Variants in PCDHA5 observed in about 807,000 individuals in gnomAD.
PCDHA5 encodes protocadherin alpha-5.
PCDHA5 carries 43 observed loss-of-function variants against 61.6 expected under a neutral mutation model. The ratio of observed to expected loss-of-function variants is 0.70; its 90% confidence interval spans 0.55 to 0.90. The LOEUF (loss-of-function observed/expected upper bound fraction) is 0.90. Ranked by LOEUF, PCDHA5 falls within the 40% of genes least tolerant of loss-of-function variation. The pLI, the probability that PCDHA5 is intolerant of heterozygous loss-of-function variation, is 0.00. For synonymous variants in PCDHA5, 627 were observed against 543.9 expected (o/e 1.15, Z -2.13); for missense variants, 1,298 against 1,222.7 (o/e 1.06, Z -0.92).
At chr5:140,927,793 C>A in intron 1 of PCDHA5, 1 of 1,614,180 alleles carries the variant, frequency 6.2e-7, no homozygotes, top group Non-Finnish European at 8.5e-7. Context: ...TTCACTAGGT[C>A]CGCCTGAAAC....
chr5:140,869,375 A>C, intron 1 of PCDHA5: 1 of 1,614,116 alleles, frequency 6.2e-7, no homozygotes, highest in Non-Finnish European at 8.5e-7. Flanking sequence ...TCTCGGATCG[A>C]CCGCGAGGAG....
intron 1 of PCDHA5, chr5:140,884,248 G>A: frequency 1.2e-6 from 2 of 1,613,458 alleles, no homozygotes; most frequent in Non-Finnish European, 1.7e-6. Flanking sequence ...CCGCGCTGAC[G>A]GCCACGGCAA....
At chr5:140,871,536 A>G in intron 1 of PCDHA5, 1 of 1,507,188 alleles carries the variant, frequency 6.6e-7, no homozygotes, top group East Asian at 2.4e-5. Context: ...AGTGTATGTG[A>G]AATTATTTAA....
At chr5:140,928,292 T>G in intron 1 of PCDHA5, 1 of 1,614,086 alleles carries the variant, frequency 6.2e-7, no homozygotes, top group Middle Eastern at 1.6e-4. Flanking sequence ...CTAGGCCGAG[T>G]GTTTGCCCAG....
chr5:140,868,199 A>G (rs1367327575), intron 1 of PCDHA5: 2 of 152,150 alleles, frequency 1.3e-5, no homozygotes, highest in East Asian at 1.9e-4. Flanking sequence ...TATGGCTTAC[A>G]TTAGAAATAA....
intron 1 of PCDHA5, among the ~76,000 whole-genome samples, chr5:140,901,437 C>G (rs1554189835): frequency 1.3e-5 from 2 of 152,132 alleles, no homozygotes; most frequent in Non-Finnish European, 2.9e-5. Flanking sequence ...ATATGGATAT[C>G]TAGTTTCCCA....
rs1175289327 is a variant in PCDHA5 at position 140,945,113 on chromosome 5, T to TA, written c.2353-33830dup. ...TAATAAACAAAATAAAGTTGAAAGA[T>TA]AAAAAATCAACTTACAAAAATCAAT... On this transcript the variant is annotated intron_variant, in intron 1 of 3. Coordinates refer to ENST00000529859, the MANE Select transcript of PCDHA5 (RefSeq NM_018908.3). Among the ~76,000 whole-genome samples, 7 of 152,200 alleles carry TA rather than the reference T, an allele frequency of 4.6e-5. No individual in the cohort carries two copies. In the East Asian group the frequency reaches 1.2e-3, roughly 25 times the overall value.
At chr5:140,972,540 T>C (rs1375467339) in intron 1 of PCDHA5, among the ~76,000 whole-genome samples, 1 of 152,148 alleles carries the variant, frequency 6.6e-6, no homozygotes, top group East Asian at 1.9e-4. Context: ...AAATCACTTG[T>C]GCAGTGAGGA....
intron 1 of PCDHA5, chr5:140,966,480 TC>T: frequency 2.3e-6 from 1 of 431,902 alleles, no homozygotes; most frequent in Admixed American, 4.4e-5. Flanking sequence ...TGTTTCCTTT[TC>T]CCTCCCCCTG....
chr5:140,887,004 C>T (rs1341039143), intron 1 of PCDHA5, among the ~76,000 whole-genome samples: 1 of 152,066 alleles, frequency 6.6e-6, no homozygotes, highest in African/African-American at 2.4e-5. Flanking sequence ...GTTGGTATCA[C>T]TTTCCTACTG....
At chr5:140,982,074 T>TAGAGAACCTAGGAACA (rs1554243726) in intron 2 of PCDHA5, among the ~76,000 whole-genome samples, 1 of 151,090 alleles carries the variant, frequency 6.6e-6, no homozygotes, top group Non-Finnish European at 1.5e-5. Flanking sequence ...TTCTTTAGAG[T>TAGAGAACCTAGGAACA]AGAGAACCTA....
chr5:140,970,405 C>T (rs1361647284), intron 1 of PCDHA5, among the ~76,000 whole-genome samples: 1 of 152,120 alleles, frequency 6.6e-6, no homozygotes, highest in Non-Finnish European at 1.5e-5. Flanking sequence ...GATGGCTTAC[C>T]CTACAGTAAG....
chr5:140,898,737 G>T (rs2066951107), intron 1 of PCDHA5, among the ~76,000 whole-genome samples: 1 of 152,102 alleles, frequency 6.6e-6, no homozygotes, highest in African/African-American at 2.4e-5. Flanking sequence ...AAAGTCATTG[G>T]TAGCTTGATG....
At chr5:140,929,554 C>T (rs899446101) in intron 1 of PCDHA5, 4 of 488,414 alleles carry the variant, frequency 8.2e-6, no homozygotes, top group Non-Finnish European at 1.4e-5. Context: ...AAAATTAAAA[C>T]CTATTTAAGA....
intron 1 of PCDHA5, chr5:140,854,216 A>T (rs1332746944): frequency 4.7e-6 from 3 of 633,232 alleles, no homozygotes; most frequent in Non-Finnish European, 5.9e-6. Flanking sequence ...TCAATATTGG[A>T]CATCTACATT....
intron 1 of PCDHA5, chr5:140,969,176 G>T (rs1554231542): frequency 6.2e-7 from 1 of 1,614,102 alleles, no homozygotes; most frequent in African/African-American, 1.3e-5. Context: ...CTCAGGGAGT[G>T]ACACTTTCAT....
rs2150248878 is a variant in PCDHA5 at position 140,835,949 on chromosome 5, G to A, written c.2352+11822G>A. The A allele has an allele frequency of 3.1e-6, 5 of 1,612,866 alleles. No individual in the cohort carries two copies. In the South Asian group the frequency reaches 3.3e-5, roughly 11 times the overall value. On this transcript the variant is annotated intron_variant, in intron 1 of 3. Coordinates refer to ENST00000529859, the MANE Select transcript of PCDHA5 (RefSeq NM_018908.3). ...GCGGCAAGGTGTACGCGCTGCAGCCGTTGGACCACGAGGAGCTGGAGCTGT... is the reference window on the plus strand; with the variant it reads ...GCGGCAAGGTGTACGCGCTGCAGCCATTGGACCACGAGGAGCTGGAGCTGT...
intron 1 of PCDHA5, among the ~76,000 whole-genome samples, chr5:140,826,100 T>A (rs1768814944): frequency 6.6e-6 from 1 of 152,354 alleles, no homozygotes; most frequent in South Asian, 2.1e-4. Context: ...CCTTCTATCA[T>A]GCTATTTATA....
chr5:140,895,225 G>A (rs1472993401), intron 1 of PCDHA5, among the ~76,000 whole-genome samples: 1 of 152,050 alleles, frequency 6.6e-6, no homozygotes, highest in African/African-American at 2.4e-5. Flanking sequence ...ATTTTACTGA[G>A]TTTTCTCATC....
Sources: allele counts gnomAD v4.1 joint callset (sites outside exome capture counted in the v4.1 genomes callset), GRCh38; gene constraint gnomAD v4.1.1; transcripts MANE v1.5; gene names NCBI Gene and HGNC (gene_info 2026-07-23, HGNC 2026-07-21).